The following PCED1B variants were observed in gnomAD, a reference collection of about 807,000 sequenced individuals.
PCED1B encodes PC-esterase domain-containing protein 1B.
For missense variants in PCED1B, 573 were observed against 573.9 expected (o/e 1.00, Z 0.02); for synonymous variants, 251 against 246.1 (o/e 1.02, Z -0.19).
In PCED1B at chr12:47,144,415, A is replaced by G. The variant is rs191067888; in HGVS notation, c.-526+40220A>G. 7.2e-5 allele frequency among the ~76,000 whole-genome samples: 11 copies of G among 152,302 alleles called. No homozygotes were observed. In the East Asian group the frequency reaches 2.1e-3, roughly 29 times the overall value. ...TGTCTTGATGATTCTTTCTGTCCAT[A>G]CTAATCTCCTTAACAGTATCTTGGT... On this transcript the variant is annotated intron_variant, in intron 2 of 3. Coordinates refer to ENST00000546455, the MANE Select transcript of PCED1B (RefSeq NM_138371.3).
At chr12:47,093,570 T>A (rs1448577823) in intron 1 of PCED1B, among the ~76,000 whole-genome samples, 2 of 151,986 alleles carry the variant, frequency 1.3e-5, no homozygotes, top group African/African-American at 4.8e-5. Context: ...CTTTCTAATA[T>A]GGAATATAAG....
chr12:47,181,782 A>G (rs1942104482), intron 2 of PCED1B, among the ~76,000 whole-genome samples: 2 of 152,154 alleles, frequency 1.3e-5, no homozygotes, highest in South Asian at 2.1e-4. Flanking sequence ...AAAAAAAAGT[A>G]AAACAATTCA....
chr12:47,095,915 G>GT (rs199896206), intron 1 of PCED1B, among the ~76,000 whole-genome samples: 42 of 151,312 alleles, frequency 2.8e-4, no homozygotes, highest in South Asian at 4.2e-4. Context: ...GAGAAGCTTG[G>GT]TTTTTTTTTA....
chr12:47,169,876 T>G (rs1377785177), intron 2 of PCED1B, among the ~76,000 whole-genome samples: 1 of 150,570 alleles, frequency 6.6e-6, no homozygotes, highest in African/African-American at 2.4e-5. Flanking sequence ...AAAGTTCTTT[T>G]TATCATTGTA....
chr12:47,147,557 A>G (rs1592201763), intron 2 of PCED1B, among the ~76,000 whole-genome samples: 1 of 151,920 alleles, frequency 6.6e-6, no homozygotes, highest in Admixed American at 6.6e-5. Flanking sequence ...ATTGATATCT[A>G]TTTACCATCC....
At chr12:47,200,304 A>G (rs1301470218) in intron 2 of PCED1B, among the ~76,000 whole-genome samples, 1 of 152,246 alleles carries the variant, frequency 6.6e-6, no homozygotes, top group East Asian at 1.9e-4. Context: ...ACACCGCACC[A>G]AAAGAAGACA....
At chr12:47,087,340 T>G (rs1348944152) in intron 1 of PCED1B, among the ~76,000 whole-genome samples, 1 of 152,212 alleles carries the variant, frequency 6.6e-6, no homozygotes, top group Non-Finnish European at 1.5e-5. Flanking sequence ...CCATGGGGCT[T>G]TGTTGGTTTA....
intron 2 of PCED1B, among the ~76,000 whole-genome samples, chr12:47,193,609 C>T (rs982757922): frequency 2.4e-4 from 36 of 152,178 alleles, no homozygotes; most frequent in African/African-American, 8.7e-4. Context: ...TACAATTTCC[C>T]TCAGAGACAA....
At chr12:47,191,697 A>T (rs1256589833) in intron 2 of PCED1B, among the ~76,000 whole-genome samples, 1 of 152,082 alleles carries the variant, frequency 6.6e-6, no homozygotes, top group Admixed American at 6.6e-5. Context: ...AACCTTCATA[A>T]AGCTGGACAC....
chr12:47,175,583 TTTA>T (rs764977217), intron 2 of PCED1B, among the ~76,000 whole-genome samples: 5 of 152,114 alleles, frequency 3.3e-5, no homozygotes, highest in Non-Finnish European at 7.4e-5. Flanking sequence ...TATGTATGTA[TTTA>T]TTTTGAGATG....
chr12:47,089,734 T>C (rs1460536528), intron 1 of PCED1B, among the ~76,000 whole-genome samples: 2 of 151,918 alleles, frequency 1.3e-5, no homozygotes, highest in African/African-American at 4.8e-5. Flanking sequence ...GATAAGACAC[T>C]GTCATCCCCA....
intron 2 of PCED1B, among the ~76,000 whole-genome samples, chr12:47,202,479 G>A (rs1200283042): frequency 1.3e-5 from 2 of 151,222 alleles, no homozygotes; most frequent in Non-Finnish European, 2.9e-5. Context: ...CATAGCTTCT[G>A]CAGTCCTCAC....
chr12:47,196,079 C>G (rs1484823322), intron 2 of PCED1B, among the ~76,000 whole-genome samples: 1 of 152,180 alleles, frequency 6.6e-6, no homozygotes, highest in African/African-American at 2.4e-5. Flanking sequence ...TTTAACTTTG[C>G]AAAGACTATT....
At chr12:47,188,430 T>C (rs1942343125) in intron 2 of PCED1B, among the ~76,000 whole-genome samples, 1 of 152,196 alleles carries the variant, frequency 6.6e-6, no homozygotes, top group Admixed American at 6.5e-5. Flanking sequence ...GCCATATATG[T>C]CCCTGAAGCT....
intron 2 of PCED1B, among the ~76,000 whole-genome samples, chr12:47,117,047 A>G (rs1939450768): frequency 6.6e-6 from 1 of 152,090 alleles, no homozygotes; most frequent in South Asian, 2.1e-4. Context: ...CTGAGATGGG[A>G]GGACTGTTTG....
chr12:47,206,416 T>C (rs1942912698), intron 2 of PCED1B: 1 of 152,196 alleles, frequency 6.6e-6, no homozygotes. Flanking sequence ...AGAGGCAAGA[T>C]AGCTAGCGTT....
intron 2 of PCED1B, among the ~76,000 whole-genome samples, chr12:47,141,007 A>G (rs1158728521): frequency 6.6e-6 from 1 of 152,150 alleles, no homozygotes; most frequent in African/African-American, 2.4e-5. Flanking sequence ...TTTCATACTT[A>G]AGAGACTGAA....
intron 3 of PCED1B, chr12:47,224,159 T>G (rs1943566557): frequency 6.6e-6 from 1 of 152,220 alleles, no homozygotes; most frequent in Non-Finnish European, 1.5e-5. Context: ...AAATCATACT[T>G]TTGTGTTTAT....
At chr12:47,218,851 C>G (rs559664318) in intron 3 of PCED1B, among the ~76,000 whole-genome samples, 1 of 151,816 alleles carries the variant, frequency 6.6e-6, no homozygotes, top group Non-Finnish European at 1.5e-5. Context: ...TTCCATAGAT[C>G]GGCCGCCTGT....
Sources: allele counts gnomAD v4.1 joint callset (sites outside exome capture counted in the v4.1 genomes callset), GRCh38; gene constraint gnomAD v4.1.1; transcripts MANE v1.5; gene names NCBI Gene and HGNC (gene_info 2026-07-23, HGNC 2026-07-21).